CTBP2: variants seen among roughly 807,000 people sequenced by gnomAD.
The protein encoded by CTBP2 is C-terminal-binding protein 2.
Under a neutral mutation model 80.3 loss-of-function variants are expected in CTBP2, and 30 were observed. The observed-to-expected ratio is 0.37, with a 90% CI of 0.28 to 0.51. The LOEUF is 0.51. Among genes scored for constraint, CTBP2 ranks in the 20% least tolerant of loss-of-function variants. CTBP2 has a pLI of 0.93. For missense variants in CTBP2, 1,212 were observed against 1,375.3 expected (o/e 0.88, Z 1.88); for synonymous variants, 594 against 587.4 (o/e 1.01, Z -0.16).
chr10:125,151,828 G>A (rs866624167), intron 1 of CTBP2, among the ~76,000 whole-genome samples: 138 of 152,268 alleles, frequency 9.1e-4, no homozygotes, highest in Middle Eastern at 3.4e-3. Flanking sequence ...GGCTTGAGGC[G>A]GCGTCTAGCT....
At chr10:125,101,604 C>T (rs1850634464) in intron 2 of CTBP2, among the ~76,000 whole-genome samples, 1 of 152,196 alleles carries the variant, frequency 6.6e-6, no homozygotes, top group East Asian at 1.9e-4. Context: ...GTGAGCAACC[C>T]ACATCCCAAG....
chr10:125,032,225 C>G (rs1006831386), upstream of CTBP2, among the ~76,000 whole-genome samples: 1 of 152,162 alleles, frequency 6.6e-6, no homozygotes, highest in Non-Finnish European at 1.5e-5. Context: ...CTGTGCTCAG[C>G]TCTGGACAGC....
chr10:125,034,170 C>CA (rs1187031256), intron 3 of CTBP2, among the ~76,000 whole-genome samples: 1 of 152,194 alleles, frequency 6.6e-6, no homozygotes, highest in Non-Finnish European at 1.5e-5. Context: ...AGAAATAAAA[C>CA]ACCGAACCTG....
chr10:125,130,926 C>A (rs1054604899), intron 1 of CTBP2, among the ~76,000 whole-genome samples: 3 of 152,218 alleles, frequency 2.0e-5, no homozygotes, highest in African/African-American at 7.2e-5. Context: ...CTGGGTATCG[C>A]CTCCGACCCA....
chr10:125,073,891 A>G (rs1439513335), intron 2 of CTBP2, among the ~76,000 whole-genome samples: 2 of 152,172 alleles, frequency 1.3e-5, no homozygotes, highest in African/African-American at 2.4e-5. Flanking sequence ...GTCTGATGTC[A>G]TCTTTCCCAG....
At chr10:125,161,243 C>G (rs1337791072), upstream of CTBP2, 1 of 151,870 alleles carries the variant, frequency 6.6e-6, no homozygotes, top group Non-Finnish European at 1.5e-5. Context: ...CCGGGCGCGG[C>G]GGGCACTCCC....
At chr10:125,063,473 C>T (rs947257880) in intron 2 of CTBP2, among the ~76,000 whole-genome samples, 3 of 152,146 alleles carry the variant, frequency 2.0e-5, no homozygotes, top group African/African-American at 4.8e-5. Context: ...CACGTCGACT[C>T]GTGCGAAAGG....
intron 1 of CTBP2, among the ~76,000 whole-genome samples, chr10:125,132,971 A>G (rs1856421929): frequency 6.6e-6 from 1 of 152,224 alleles, no homozygotes; most frequent in Non-Finnish European, 1.5e-5. Context: ...TTTTTTGACA[A>G]GTGACAGATA....
chr10:125,006,234 G>A (rs1307458498), intron 1 of CTBP2, among the ~76,000 whole-genome samples: 3 of 151,978 alleles, frequency 2.0e-5, no homozygotes, highest in Non-Finnish European at 4.4e-5. Flanking sequence ...GGTCCTTCAT[G>A]GCAAGGCGGG....
At chr10:125,072,185 G>A (rs1224125133) in intron 2 of CTBP2, among the ~76,000 whole-genome samples, 2 of 152,122 alleles carry the variant, frequency 1.3e-5, no homozygotes, top group East Asian at 1.9e-4. Context: ...GGTGGCGTGC[G>A]CCTGTAGTTC....
At chr10:125,120,117 A>C (rs1032938728) in intron 1 of CTBP2, among the ~76,000 whole-genome samples, 1 of 152,240 alleles carries the variant, frequency 6.6e-6, no homozygotes, top group Non-Finnish European at 1.5e-5. Flanking sequence ...GGAGAGACAC[A>C]GCGAGAATCC....
chr10:125,159,915 CGCCGCCGCCGCT>C (rs928288752), intron 1 of CTBP2: 1 of 153,888 alleles, frequency 6.5e-6, no homozygotes, highest in African/African-American at 2.4e-5. Flanking sequence ...ACGCCGCCGC[CGCCGCCGCCGCT>C]GCCCTCCGGA....
At chr10:125,031,217 C>T (rs1253349922), upstream of CTBP2, among the ~76,000 whole-genome samples, 1 of 152,036 alleles carries the variant, frequency 6.6e-6, no homozygotes, top group Non-Finnish European at 1.5e-5. Flanking sequence ...GGCCGGGTGC[C>T]GTGGCTCATG....
chr10:125,138,088 A>T (rs1048537661), intron 1 of CTBP2: 2 of 152,246 alleles, frequency 1.3e-5, no homozygotes, highest in African/African-American at 4.8e-5. Context: ...CATCTGGAGC[A>T]AATCATCCGC....
chr10:125,051,237 T>C (rs1396307080), intron 2 of CTBP2, among the ~76,000 whole-genome samples: 1 of 152,206 alleles, frequency 6.6e-6, no homozygotes, highest in African/African-American at 2.4e-5. Context: ...TGGAGACCCT[T>C]AGGGAAAGGC....
chr10:125,092,587 C>T (rs950443080), intron 2 of CTBP2, among the ~76,000 whole-genome samples: 1 of 152,122 alleles, frequency 6.6e-6, no homozygotes, highest in Non-Finnish European at 1.5e-5. Flanking sequence ...GGGGACAGAT[C>T]TGGACAGACA....
upstream of CTBP2, among the ~76,000 whole-genome samples, chr10:125,028,245 C>G (rs974809757): frequency 4.6e-5 from 7 of 152,236 alleles, no homozygotes; most frequent in Admixed American, 4.6e-4. Flanking sequence ...ACTCCCTCTT[C>G]CAAGCACCAG....
chr10:125,098,740 G>GACAC (rs1564914503), intron 2 of CTBP2, among the ~76,000 whole-genome samples: 1 of 114,840 alleles, frequency 8.7e-6, no homozygotes, highest in Non-Finnish European at 1.8e-5. Flanking sequence ...GAGAGAGAGA[G>GACAC]AGAGAGAGAC....
intron 1 of CTBP2, among the ~76,000 whole-genome samples, chr10:125,131,980 T>A (rs920124515): frequency 1.3e-5 from 2 of 152,168 alleles, no homozygotes; most frequent in African/African-American, 4.8e-5. Flanking sequence ...GTCTCTGCCA[T>A]ACTCACCTTC....
Sources: gnomAD v4.1 joint callset for allele counts (sites outside exome capture counted in the v4.1 genomes callset) on GRCh38, gnomAD v4.1.1 for gene constraint, MANE v1.5 for transcripts, NCBI Gene and HGNC (gene_info 2026-07-23, HGNC 2026-07-21) for gene names.